ZNF267: variants seen among roughly 807,000 people sequenced by gnomAD.
ZNF267 encodes the protein zinc finger protein 267, also known as zinc finger (C2H2).
A neutral mutation model predicts 71.6 loss-of-function variants in ZNF267; 61 were observed. The ratio of observed to expected loss-of-function variants is 0.85; its 90% CI spans 0.69 to 1.05. The LOEUF (loss-of-function observed/expected upper bound fraction) is 1.05. Among genes scored for constraint, ZNF267 ranks in the 50% least tolerant of loss-of-function variants. The pLI, the probability that ZNF267 is intolerant of heterozygous loss-of-function variation, is 0.00. For synonymous variants in ZNF267, 288 were observed against 293.2 expected (o/e 0.98, Z 0.18); for missense variants, 852 against 870.0 (o/e 0.98, Z 0.26).
Position 31,885,237 on chromosome 16 carries a change from G to C in ZNF267, c.207G>C (p.Glu69Asp). The C allele has an allele frequency of 5.6e-6, 9 of 1,607,954 alleles. No individual in the cohort carries two copies. The highest frequency in any genetic ancestry group is 7.6e-6 in the Non-Finnish European group (9 of 1,176,970). The change falls in exon 3 of 4, where the codon GAG (glutamate) becomes GAC (aspartate). Residue 69 changes from glutamate (E) to aspartate (D), a missense_variant. Coordinates refer to ENST00000300870, the MANE Select transcript of ZNF267 (RefSeq NM_003414.6). ...RKEPWNVKSE[E>D]TVAIQPDVFS... ...AGCCTTGGAATGTGAAGAGTGAGGA[G>C]ACAGTAGCCATCCAGCCAGGTAGGT...
chr16:31,904,926 G>A lies in ZNF267; in HGVS notation c.227-9550G>A, dbSNP rs185793732. Among the ~76,000 whole-genome samples the A allele has an allele frequency of 4.5e-4, 68 of 152,306 alleles. No individual in the cohort carries two copies. The East Asian group carries it at 0.011, about 25-fold the overall frequency. ...CATGTTTTTGCAGTGGCTGGTACCG[G>A]TTGTTCCTTTCCATGTTTAGTGCTT... On this transcript the variant is annotated intron_variant, in intron 3 of 3. Coordinates refer to ENST00000300870, the MANE Select transcript of ZNF267 (RefSeq NM_003414.6).
chr16:31,888,360 C>G (rs1439156226), intron 3 of ZNF267, among the ~76,000 whole-genome samples: 3 of 151,778 alleles, frequency 2.0e-5, no homozygotes, highest in Non-Finnish European at 4.4e-5. Flanking sequence ...CTTTTTGTTT[C>G]TTTTTCTTAC....
At chr16:31,885,639 A>G (rs1230122565) in intron 3 of ZNF267, among the ~76,000 whole-genome samples, 1 of 152,212 alleles carries the variant, frequency 6.6e-6, no homozygotes, top group Non-Finnish European at 1.5e-5. Context: ...GTGTGTGAGG[A>G]GAGTGATGGA....
chr16:31,909,201 G>GGCTCA (rs1199821346), intron 3 of ZNF267, among the ~76,000 whole-genome samples: 1 of 145,420 alleles, frequency 6.9e-6, no homozygotes, highest in Non-Finnish European at 1.5e-5. Flanking sequence ...ATCTCGGCTC[G>GGCTCA]GCTCACTGCA....
chr16:31,875,372 C>T (rs1250764273), intron 1 of ZNF267: 21 of 1,223,380 alleles, frequency 1.7e-5, no homozygotes, highest in Non-Finnish European at 2.1e-5. Flanking sequence ...CTGGGACACC[C>T]TTAACCTAAA....
rs1406865557 is a variant in ZNF267 at position 31,914,622 on chromosome 16, C to T, written c.373C>T (p.His125Tyr). 3 of 1,613,926 alleles carry T rather than the reference C, an allele frequency of 1.9e-6. No homozygotes were observed. Among genetic ancestry groups the T allele is most frequent in the Non-Finnish European group, 8.5e-7 (1 of 1,179,990 alleles). Residue 125 changes from histidine to tyrosine, a missense_variant, in exon 4 of 4, where the codon CAC becomes TAC. Transcript: ENST00000300870. ...GTGGAAAAGGGAGGAGTGTGAAGGG[C>T]ACAATGGATGTTATGATGAAAAGAC... ...KRWKREECEG[H>Y]NGCYDEKTFK...
chr16:31,902,672 T>G (rs1385587909), intron 3 of ZNF267, among the ~76,000 whole-genome samples: 2 of 152,244 alleles, frequency 1.3e-5, no homozygotes, highest in East Asian at 3.8e-4. Flanking sequence ...AAGTTGCTTA[T>G]CAGCTTAAGG....
intron 3 of ZNF267, among the ~76,000 whole-genome samples, chr16:31,905,661 A>T (rs2084083384): frequency 6.6e-6 from 1 of 151,694 alleles, no homozygotes; most frequent in Non-Finnish European, 1.5e-5. Flanking sequence ...ACTTCTCTGC[A>T]TTGGTTATTC....
chr16:31,909,110 CTTTTCTTTTCT>C (rs2084114830), intron 3 of ZNF267, among the ~76,000 whole-genome samples: 2 of 98,152 alleles, frequency 2.0e-5, no homozygotes, highest in Non-Finnish European at 4.1e-5. Context: ...TCTTCTATTT[CTTTTCTTTTCT>C]TTTTTTTTTT....
In ZNF267 at chr16:31,916,583, C is replaced by T; in HGVS notation, c.*102C>T. ...AACCCTACAAATGTTAAGAATGTGG[C>T]ATAACCTTTAACTATTTTCAAGCCT... On this transcript the variant is annotated 3_prime_UTR_variant, in exon 4 of 4. Coordinates refer to ENST00000300870, the MANE Select transcript of ZNF267 (RefSeq NM_003414.6). 2 of 1,158,992 alleles carry T rather than the reference C, an allele frequency of 1.7e-6. No homozygotes were observed. Among genetic ancestry groups the T allele is most frequent in the Admixed American group, 2.7e-5 (1 of 36,510 alleles). The allele number at this position is 1,158,992 out of a possible 1,614,324, so 71.8% of individuals were successfully genotyped here. A position where few individuals can be genotyped will look rare whatever the true frequency, so the allele number is the denominator to read the frequency against.
intron 1 of ZNF267, among the ~76,000 whole-genome samples, chr16:31,876,432 T>A (rs1003626385): frequency 6.6e-6 from 1 of 151,886 alleles, no homozygotes; most frequent in Non-Finnish European, 1.5e-5. Context: ...GCCCCCAGAG[T>A]GGTCTCAAAC....
At chr16:31,901,235 A>G (rs1203175364) in intron 3 of ZNF267, among the ~76,000 whole-genome samples, 4 of 151,918 alleles carry the variant, frequency 2.6e-5, no homozygotes, top group African/African-American at 9.7e-5. Context: ...AGTCTTTGCT[A>G]TTGTGAATAC....
At chr16:31,891,851 T>C (rs1484829885) in intron 3 of ZNF267, among the ~76,000 whole-genome samples, 1 of 152,092 alleles carries the variant, frequency 6.6e-6, no homozygotes, top group Non-Finnish European at 1.5e-5. Flanking sequence ...TAGAGTGAGG[T>C]GCTGCTGAAA....
In ZNF267 at chr16:31,915,357, C is replaced by T. The variant is rs373687622; in HGVS notation, c.1108C>T (p.Gln370Ter). The T allele has an allele frequency of 5.0e-6, 8 of 1,613,354 alleles. No homozygotes were observed. Among genetic ancestry groups the T allele is most frequent in the South Asian group, 2.2e-5 (2 of 90,964 alleles). Reference protein sequence around the residue: ...NLNCSLYLTKQQQIDTGENLY... With the variant: ...NLNCSLYLTK ...TAACTGTAGTTTATACCTTACTAAA[C>T]AGCAGCAAATTGATACTGGAGAAAA... Residue 370 changes from glutamine to a stop codon, truncating the protein, a stop_gained, in exon 4 of 4, where the codon CAG becomes TAG. Coordinates refer to ENST00000300870, the MANE Select transcript of ZNF267 (RefSeq NM_003414.6). LOFTEE classifies it high-confidence loss of function.
chr16:31,914,330 G>A, intron 3 of ZNF267, 146 bp from the exon 4 acceptor site: 2 of 683,508 alleles, frequency 2.9e-6, no homozygotes, highest in Non-Finnish European at 4.6e-6. Context: ...AGTAAAGTTT[G>A]TATATCAATT....
At chr16:31,879,758 C>A (rs935026652) in intron 1 of ZNF267, among the ~76,000 whole-genome samples, 2 of 152,214 alleles carry the variant, frequency 1.3e-5, no homozygotes, top group African/African-American at 4.8e-5. Context: ...CTCTGTCTTT[C>A]CATGCCCCTG....
chr16:31,907,969 G>A (rs1400490018), intron 3 of ZNF267, among the ~76,000 whole-genome samples: 1 of 152,056 alleles, frequency 6.6e-6, no homozygotes, highest in Non-Finnish European at 1.5e-5. Flanking sequence ...CCTGAACCCG[G>A]GAGGTGGAGC....
intron 1 of ZNF267, among the ~76,000 whole-genome samples, chr16:31,877,193 A>C (rs566229097): frequency 6.6e-6 from 1 of 152,010 alleles, no homozygotes; most frequent in East Asian, 1.9e-4. Flanking sequence ...CAGAGTCTCA[A>C]ATCTACCACT....
chr16:31,915,428 C>G lies in ZNF267; in HGVS notation c.1179C>G (p.Ser393=). The change falls in exon 4 of 4, where the codon TCC becomes TCG. Residue 393 remains serine, a synonymous_variant. Coordinates refer to ENST00000300870, the MANE Select transcript of ZNF267 (RefSeq NM_003414.6). ...GTAGCAAATCTTTTACTCGTTCCTC[C>G]AATCTTATTGTGCATCAGAGAATTC... ...KACSKSFTRS[S]NLIVHQRIHT... The G allele has an allele frequency of 1.2e-6, 2 of 1,613,590 alleles. No homozygotes were observed. Among genetic ancestry groups the G allele is most frequent in the South Asian group, 1.1e-5 (1 of 91,016 alleles).
Sources: gnomAD v4.1 joint callset for allele counts (sites outside exome capture counted in the v4.1 genomes callset) on GRCh38, gnomAD v4.1.1 for gene constraint, MANE v1.5 for transcripts, NCBI Gene and HGNC (gene_info 2026-07-23, HGNC 2026-07-21) for gene names.